Variants in CSMD3 observed in about 807,000 individuals in gnomAD.
The protein encoded by CSMD3 is CUB and Sushi multiple domains 3.
CSMD3 carries 177 observed loss-of-function variants against 435.2 expected under a neutral mutation model. The observed-to-expected ratio is 0.41, with a 90% CI of 0.36 to 0.46. The LOEUF is 0.46. Ranked by LOEUF, CSMD3 falls within the 20% of genes least tolerant of loss-of-function variation. The pLI, the probability that CSMD3 is intolerant of heterozygous loss-of-function variation, is 0.34. For missense variants in CSMD3, 4,265 were observed against 4,504.6 expected (o/e 0.95, Z 1.52); for synonymous variants, 1,656 against 1,520.5 (o/e 1.09, Z -2.07).
intron 4 of CSMD3, among the ~76,000 whole-genome samples, chr8:113,100,230 T>C (rs1201848140): frequency 6.6e-6 from 1 of 152,130 alleles, no homozygotes; most frequent in Admixed American, 6.6e-5. Context: ...ACACTAAATA[T>C]ATTTTTTAAA....
intron 1 of CSMD3, among the ~76,000 whole-genome samples, chr8:113,321,492 T>C (rs2093949166): frequency 6.6e-6 from 1 of 152,142 alleles, no homozygotes; most frequent in Non-Finnish European, 1.5e-5. Flanking sequence ...AGGTAAAGTG[T>C]CACTTGTCAT....
chr8:112,961,723 C>A (rs1169825467), intron 7 of CSMD3, among the ~76,000 whole-genome samples: 1 of 151,710 alleles, frequency 6.6e-6, no homozygotes, highest in Non-Finnish European at 1.5e-5. Flanking sequence ...GAACAGACTG[C>A]AAAACTATAT....
chr8:112,266,318 C>T (rs893121124), intron 59 of CSMD3, among the ~76,000 whole-genome samples: 6 of 152,092 alleles, frequency 3.9e-5, no homozygotes, highest in Non-Finnish European at 7.4e-5. Context: ...GAGGGTGTCA[C>T]GTTTTGCAGA....
At chr8:112,679,387 T>A (rs770397092) in intron 16 of CSMD3, among the ~76,000 whole-genome samples, 1 of 152,058 alleles carries the variant, frequency 6.6e-6, no homozygotes, top group South Asian at 2.1e-4. Context: ...TCCAACCTCA[T>A]CCTTAGTGAT....
intron 13 of CSMD3, among the ~76,000 whole-genome samples, chr8:112,795,923 A>G (rs2078817388): frequency 6.6e-6 from 1 of 152,168 alleles, no homozygotes; most frequent in Non-Finnish European, 1.5e-5. Flanking sequence ...GCATTCCTAA[A>G]TAATTCAAGT....
chr8:112,849,062 A>T (rs1193284088), intron 11 of CSMD3, among the ~76,000 whole-genome samples: 6 of 152,140 alleles, frequency 3.9e-5, no homozygotes, highest in Admixed American at 2.0e-4. Context: ...TTAAAGCCAT[A>T]ATCAATACTT....
At chr8:112,378,948 T>A (rs1305260622) in intron 38 of CSMD3, among the ~76,000 whole-genome samples, 3 of 151,892 alleles carry the variant, frequency 2.0e-5, no homozygotes, top group Non-Finnish European at 4.4e-5. Context: ...GTATCAGTAA[T>A]GTTGAAGAGA....
rs535514378 is a variant in CSMD3, at chr8:113,316,595, G to A, written c.179-1802C>T. ...GACGGAATCTTGCTCTGTTGCCCAG[G>A]CTATAGTGTAGTGGCGTGATCTCGG... On this transcript the variant is annotated intron_variant, in intron 1 of 70. Coordinates refer to ENST00000297405, the MANE Select transcript of CSMD3 (RefSeq NM_198123.2). Among the ~76,000 whole-genome samples, 548 of 150,336 alleles carry A rather than the reference G, an allele frequency of 3.6e-3. 1 individual carries two copies. In the Middle Eastern group the frequency reaches 0.038, roughly 10 times the overall value.
intron 18 of CSMD3, among the ~76,000 whole-genome samples, chr8:112,653,261 C>A: frequency 6.6e-6 from 1 of 152,206 alleles, no homozygotes; most frequent in Admixed American, 6.5e-5. Flanking sequence ...TCAAAATGGA[C>A]ATTTTTCTTA....
At chr8:112,244,246 C>G in intron 65 of CSMD3, 148 bp downstream of exon 65, 1 of 677,148 alleles carries the variant, frequency 1.5e-6, no homozygotes, top group South Asian at 1.6e-5. Context: ...GCCTCTGGAT[C>G]CAGAAGTGTT....
Position 113,349,230 on chromosome 8 carries a change from C to T in CSMD3, c.179-34437G>A, listed in dbSNP as rs78462452. ...TACCAGTTTCTAACACTGACCAACA[C>T]TTGTGCCAAAGGGACATATAAACCA... On this transcript the variant is annotated intron_variant, in intron 1 of 70. Transcript: ENST00000297405. Among the ~76,000 whole-genome samples, 35 of 152,176 alleles carry T rather than the reference C, an allele frequency of 2.3e-4. No homozygotes were observed. The East Asian group carries it at 6.8e-3, about 29-fold the overall frequency.
At chr8:112,609,011 G>A (rs13258970) in intron 22 of CSMD3, among the ~76,000 whole-genome samples, 87,118 of 151,120 alleles carry the variant, frequency 0.58, 25,686 homozygotes, top group African/African-American at 0.69. Flanking sequence ...ACATTAAACT[G>A]AAAAGTTTCT....
At position 113,150,202 on chromosome 8, in the gene CSMD3, T is replaced by G. The variant is rs147793511; in HGVS notation, c.709+23520A>C. On this transcript the variant is annotated intron_variant, in intron 4 of 70. Coordinates refer to ENST00000297405, the MANE Select transcript of CSMD3 (RefSeq NM_198123.2). ...AAGAGCCTGTGAATACAATGGTATA[T>G]CACTTTTGTGATAATTTTTGTATTT... Among the ~76,000 whole-genome samples, 893 of 152,086 alleles carry G rather than the reference T, an allele frequency of 5.9e-3. 4 individuals carry two copies. Among genetic ancestry groups the G allele is most frequent in the African/African-American group, 0.019 (795 of 41,538 alleles).
chr8:112,885,386 A>G (rs2081561874), intron 10 of CSMD3, among the ~76,000 whole-genome samples: 2 of 151,390 alleles, frequency 1.3e-5, no homozygotes, highest in South Asian at 4.2e-4. Flanking sequence ...ATATACATAT[A>G]TATATTTACG....
intron 12 of CSMD3, among the ~76,000 whole-genome samples, chr8:112,807,121 C>T (rs1381708038): frequency 6.6e-6 from 1 of 152,170 alleles, no homozygotes; most frequent in African/African-American, 2.4e-5. Flanking sequence ...GATGTCAATT[C>T]CCATGAGTTA....
At chr8:112,391,351 G>A (rs1830394176) in intron 35 of CSMD3, among the ~76,000 whole-genome samples, 1 of 152,126 alleles carries the variant, frequency 6.6e-6, no homozygotes, top group South Asian at 2.1e-4. Context: ...TTCTACAGCT[G>A]AGGCAATCAA....
chr8:113,290,640 A>G (rs188331655), intron 2 of CSMD3, among the ~76,000 whole-genome samples: 47 of 151,836 alleles, frequency 3.1e-4, no homozygotes, highest in African/African-American at 1.0e-3. Flanking sequence ...ATAAAAGTAT[A>G]ATCTGTCTTC....
intron 10 of CSMD3, among the ~76,000 whole-genome samples, chr8:112,911,689 TTTAG>T (rs758884243): frequency 2.3e-3 from 299 of 130,812 alleles, no homozygotes; most frequent in Non-Finnish European, 3.6e-3. Context: ...AATGTATATA[TTTAG>T]TTAATTGTTA....
At chr8:112,657,814 C>A (rs1425257546) in intron 17 of CSMD3, among the ~76,000 whole-genome samples, 1 of 152,198 alleles carries the variant, frequency 6.6e-6, no homozygotes, top group Non-Finnish European at 1.5e-5. Flanking sequence ...CTTCTGTCCT[C>A]ACATTGTAGA....
Sources: allele counts gnomAD v4.1 joint callset (sites outside exome capture counted in the v4.1 genomes callset), GRCh38; gene constraint gnomAD v4.1.1; transcripts MANE v1.5; gene names NCBI Gene and HGNC (gene_info 2026-07-23, HGNC 2026-07-21).